The following NEK9 variants were observed in gnomAD, a reference collection of about 807,000 sequenced individuals.
NEK9 encodes the protein NIMA related kinase 9, also known as serine/threonine-protein kinase Nek9.
NEK9 carries 75 observed loss-of-function variants against 123.4 expected under a neutral mutation model. That is an observed-to-expected ratio of 0.61 (90% CI 0.50 to 0.74). The LOEUF (loss-of-function observed/expected upper bound fraction) is 0.74, where lower values mean the gene tolerates loss of function less well. NEK9 is among the 30% of genes least tolerant of loss of function. NEK9 has a pLI of 0.00. For missense variants in NEK9, 952 were observed against 1,214.4 expected (o/e 0.78, Z 3.21); for synonymous variants, 438 against 458.7 (o/e 0.95, Z 0.58).
At chr14:75,090,573 T>C (rs1331942355) in intron 19 of NEK9, among the ~76,000 whole-genome samples, 2 of 152,092 alleles carry the variant, frequency 1.3e-5, no homozygotes, top group Non-Finnish European at 2.9e-5. Flanking sequence ...TTACTTTTTT[T>C]TTTTTTTGAA....
intron 10 of NEK9, among the ~76,000 whole-genome samples, chr14:75,108,505 G>GTGCGTA (rs1271167116): frequency 4.4e-5 from 4 of 91,430 alleles, no homozygotes; most frequent in African/African-American, 1.3e-4. Flanking sequence ...ATATATGTGT[G>GTGCGTA]TGCGTGTGCG....
intron 12 of NEK9, 116 bp from the exon 13 acceptor site, chr14:75,106,112 T>C (rs1463162249): frequency 3.3e-6 from 3 of 899,254 alleles, no homozygotes; most frequent in South Asian, 1.4e-5. Context: ...TCCCAGCACT[T>C]TGGGAGGCCG....
chr14:75,108,814 C>T (rs944636717), intron 10 of NEK9, among the ~76,000 whole-genome samples: 16 of 152,076 alleles, frequency 1.1e-4, no homozygotes, highest in Non-Finnish European at 1.2e-4. Flanking sequence ...CTTGGCCTCC[C>T]GAAGTGCTGA....
chr14:75,101,736 G>A lies in NEK9; in HGVS notation c.1761C>T (p.Ser587=). 1 of 1,614,022 alleles carries A rather than the reference G, an allele frequency of 6.2e-7. No homozygotes were observed. Among genetic ancestry groups the A allele is most frequent in the Non-Finnish European group, 8.5e-7 (1 of 1,179,884 alleles). The change falls in exon 15 of 22, where the codon TCC becomes TCT. Residue 587 remains serine (S), a synonymous_variant. Coordinates refer to ENST00000238616, the MANE Select transcript of NEK9 (RefSeq NM_033116.6). ...EAYHEVPYTT[S]FTLAKQLSFY... ...AGGACAACTGTTTGGCCAAGGTAAA[G>A]GACGTTGTGTAGGGAACTTCATGGT...
At position 75,116,179 on chromosome 14, in the gene NEK9, T is replaced by C. The variant is rs147735673; in HGVS notation, c.762+1016A>G. On this transcript the variant is annotated intron_variant, in intron 6 of 21. Transcript: ENST00000238616. ...GAAAAAGGCATAAATATGCTGGGCA[T>C]GGGGGCTCATACCTGTAATCCTAGC... Among the ~76,000 whole-genome samples the C allele has an allele frequency of 4.0e-3, 603 of 152,324 alleles. 4 individuals are homozygous for C. The highest frequency in any genetic ancestry group is 0.014 in the African/African-American group (581 of 41,576).
Position 75,113,391 on chromosome 14 carries a change from T to G in NEK9, c.886A>C (p.Arg296=), listed in dbSNP as rs148730869. The change falls in exon 8 of 22, where the codon AGA becomes CGA. Residue 296 remains arginine, a synonymous_variant. Coordinates refer to ENST00000238616, the MANE Select transcript of NEK9 (RefSeq NM_033116.6). ...HSCLDQDPEQ[R]PTADELLDRP... is the part of the protein sequence containing the mutation. ...TCTAGAAGTTCATCTGCAGTAGGTC[T>G]CTGCTCAGGATCCTAAAAAGTAAAA... The G allele has an allele frequency of 1.9e-6, 3 of 1,613,256 alleles. No individual in the cohort carries two copies. The highest frequency in any genetic ancestry group is 2.5e-6 in the Non-Finnish European group (3 of 1,179,350).
rs1895558554 is a variant in NEK9, at chr14:75,126,972, G to A, written c.-51C>T. On this transcript the variant is annotated 5_prime_UTR_variant, in exon 1 of 22. Transcript: ENST00000238616. ...CAGCCTGCGTATGCCCGGAGGCCCT[G>A]GCCGCGCTGCGTCCCGCTCGCTTCA... 3 of 1,365,926 alleles carry A rather than the reference G, an allele frequency of 2.2e-6. No homozygotes were observed. Among genetic ancestry groups the A allele is most frequent in the South Asian group, 1.6e-5 (1 of 63,406 alleles). The allele number at this position is 1,365,926 out of a possible 1,614,324, so 84.6% of individuals were successfully genotyped here. A position where few individuals can be genotyped will look rare whatever the true frequency, so the allele number is the denominator to read the frequency against.
chr14:75,125,243 ATT>A (rs1895483920), intron 1 of NEK9, among the ~76,000 whole-genome samples: 1 of 152,134 alleles, frequency 6.6e-6, no homozygotes, highest in African/African-American at 2.4e-5. Flanking sequence ...CTGAAATGAT[ATT>A]TGTTCATTCT....
chr14:75,102,920 A>G (rs1894636356), intron 14 of NEK9, among the ~76,000 whole-genome samples: 1 of 152,148 alleles, frequency 6.6e-6, no homozygotes, highest in Non-Finnish European at 1.5e-5. Context: ...GGAAACCATC[A>G]TTCTCAGTAA....
chr14:75,089,306 C>A (rs919957685), intron 19 of NEK9, among the ~76,000 whole-genome samples: 18 of 152,150 alleles, frequency 1.2e-4, no homozygotes, highest in Admixed American at 1.2e-3. Context: ...CGGCTCACTG[C>A]AACCTTCACC....
In NEK9 at chr14:75,105,953, T is replaced by C; in HGVS notation, c.1572A>G (p.Gln524=). ...LDSEEDYYTP[Q]KVDVPKALII... ...AATAAGTTGCTTCTGATTTTACCTT[T>C]TGTGGTGTATAATAATCCTCTTCTG... The change falls in exon 13 of 22, where the codon CAA becomes CAG. Residue 524 remains glutamine, a synonymous_variant. Coordinates refer to ENST00000238616, the MANE Select transcript of NEK9 (RefSeq NM_033116.6). 1 of 1,612,898 alleles carries C rather than the reference T, an allele frequency of 6.2e-7. No homozygotes were observed. Among genetic ancestry groups the C allele is most frequent in the Non-Finnish European group, 8.5e-7 (1 of 1,178,864 alleles).
intron 2 of NEK9, among the ~76,000 whole-genome samples, chr14:75,121,569 C>G (rs1214088600): frequency 1.3e-5 from 2 of 152,232 alleles, no homozygotes; most frequent in African/African-American, 4.8e-5. Flanking sequence ...CTGGATTAGG[C>G]TGGGCACATT....
chr14:75,109,327 T>C (rs1200704183), intron 10 of NEK9, among the ~76,000 whole-genome samples: 1 of 152,228 alleles, frequency 6.6e-6, no homozygotes, highest in East Asian at 1.9e-4. Flanking sequence ...TACAAAGCTA[T>C]TTCACAGGTA....
chr14:75,087,188 T>C lies in NEK9; in HGVS notation c.2647A>G (p.Thr883Ala). The stretch of plus-strand genomic sequence containing the variant: ...GCACACGCAGGAGGAGTCAGTGGTG[T>C]TCCCTTCCCAGCACAGGTTACTGCA... ...NPAVTCAGKG[T>A]PLTPPACACS... The change falls in exon 21 of 22, where the codon ACA becomes GCA. Residue 883 changes from threonine to alanine, a missense_variant. Around this residue, in one of 4 missense-constraint regions of NEK9, gnomAD observed 698 missense variants for 875.6 expected, o/e 0.80. Transcript: ENST00000238616. The C allele has an allele frequency of 1.9e-6, 3 of 1,612,148 alleles. No individual in the cohort carries two copies. Among genetic ancestry groups the C allele is most frequent in the Non-Finnish European group, 2.5e-6 (3 of 1,178,178 alleles).
intron 6 of NEK9, among the ~76,000 whole-genome samples, chr14:75,115,108 T>G (rs1179999669): frequency 3.0e-5 from 1 of 33,786 alleles, no homozygotes; most frequent in Non-Finnish European, 6.4e-5. Context: ...TGCACACGTG[T>G]GTGCGTACAC....
intron 13 of NEK9, among the ~76,000 whole-genome samples, chr14:75,105,562 G>A (rs96358): frequency 0.31 from 47,877 of 152,128 alleles, 8,085 homozygotes; most frequent in South Asian, 0.4. Context: ...ATTTCATCTG[G>A]TGGTCAACTG....
intron 13 of NEK9, 148 bp downstream of exon 13, chr14:75,105,802 A>G (rs1282265909): frequency 1.6e-6 from 1 of 642,468 alleles, no homozygotes; most frequent in Admixed American, 2.8e-5. Flanking sequence ...CAGGGTGCTA[A>G]ATCAGGAATC....
At chr14:75,106,246 C>T in intron 12 of NEK9, 1 of 585,118 alleles carries the variant, frequency 1.7e-6, no homozygotes, top group Non-Finnish European at 3.0e-6. Context: ...GTAATCCCAG[C>T]TACTCGGGAG....
In NEK9 at chr14:75,084,687, C is replaced by G. The variant is rs140477581; in HGVS notation, c.2818-1G>C. 2.5e-6 allele frequency: 4 copies of G among 1,614,036 alleles called. No individual in the cohort carries two copies. The highest frequency in any genetic ancestry group is 3.4e-6 in the Non-Finnish European group (4 of 1,179,972). On this transcript the variant is annotated splice_acceptor_variant, in intron 21 of 21. Transcript: ENST00000238616. LOFTEE classifies it high-confidence loss of function. Reference sequence around the variant, plus strand: ...GAGTTCCTTTGGAATGCATCCCCACCTGTCCGGATAAAACACGGTTCCACA... The same window carrying G: ...GAGTTCCTTTGGAATGCATCCCCACGTGTCCGGATAAAACACGGTTCCACA...
Sources: gnomAD v4.1 joint callset for allele counts (sites outside exome capture counted in the v4.1 genomes callset) on GRCh38, gnomAD v4.1.1 for gene constraint, gnomAD v4.1.1 regional missense constraint, MANE v1.5 for transcripts, NCBI Gene and HGNC (gene_info 2026-07-23, HGNC 2026-07-21) for gene names.